The following THSD7B variants were observed in gnomAD, a reference collection of about 807,000 sequenced individuals.
THSD7B encodes thrombospondin type-1 domain-containing protein 7B.
Under a neutral mutation model 213.6 loss-of-function variants are expected in THSD7B, and 138 were observed. The observed-to-expected ratio is 0.65, with a 90% CI of 0.56 to 0.74. THSD7B has a LOEUF of 0.74. Ranked by LOEUF, THSD7B falls within the 30% of genes least tolerant of loss-of-function variation. The pLI is 0.00. For missense variants in THSD7B, 1,931 were observed against 1,991.5 expected (o/e 0.97, Z 0.58); for synonymous variants, 742 against 687.0 (o/e 1.08, Z -1.25).
At chr2:137,570,369 C>T (rs980278610) in intron 16 of THSD7B, among the ~76,000 whole-genome samples, 1 of 151,860 alleles carries the variant, frequency 6.6e-6, no homozygotes. Context: ...AGTGCAGTGG[C>T]GTGATCTCGG....
intron 1 of THSD7B, among the ~76,000 whole-genome samples, chr2:136,777,493 A>G (rs1256017690): frequency 6.6e-6 from 1 of 152,128 alleles, no homozygotes; most frequent in Non-Finnish European, 1.5e-5. Context: ...GTAATGAATT[A>G]CTTCCCAGTT....
At chr2:137,068,934 C>A (rs1206966578) in intron 3 of THSD7B, among the ~76,000 whole-genome samples, 2 of 152,046 alleles carry the variant, frequency 1.3e-5, no homozygotes, top group Non-Finnish European at 2.9e-5. Flanking sequence ...CACGACAGAG[C>A]TTTAATTAAT....
At chr2:137,653,536 A>G (rs1181331247) in intron 21 of THSD7B, among the ~76,000 whole-genome samples, 1 of 145,074 alleles carries the variant, frequency 6.9e-6, no homozygotes, top group Non-Finnish European at 1.5e-5. Context: ...CTCTTGCTCA[A>G]CTCTCTTTTG....
At chr2:137,199,096 T>C (rs939174067) in intron 7 of THSD7B, among the ~76,000 whole-genome samples, 14 of 152,074 alleles carry the variant, frequency 9.2e-5, no homozygotes, top group African/African-American at 3.4e-4. Context: ...CAGTATAAAT[T>C]GGGTAAATAG....
intron 12 of THSD7B, among the ~76,000 whole-genome samples, chr2:137,323,989 C>T (rs1402479793): frequency 2.0e-5 from 3 of 152,164 alleles, no homozygotes; most frequent in East Asian, 3.9e-4. Flanking sequence ...AAATACATCA[C>T]TCTCCGAGGC....
intron 1 of THSD7B, among the ~76,000 whole-genome samples, chr2:136,874,752 A>G (rs945314272): frequency 1.3e-5 from 2 of 152,166 alleles, no homozygotes; most frequent in Non-Finnish European, 2.9e-5. Flanking sequence ...CTTAATATTC[A>G]TCAGTTTAGA....
chr2:137,331,595 T>C (rs1038260281), intron 12 of THSD7B, among the ~76,000 whole-genome samples: 3 of 152,168 alleles, frequency 2.0e-5, no homozygotes, highest in African/African-American at 7.2e-5. Flanking sequence ...GCCAGTCCTG[T>C]GCCATGTGCT....
intron 2 of THSD7B, among the ~76,000 whole-genome samples, chr2:136,948,334 C>A (rs1000302915): frequency 2.0e-5 from 3 of 152,110 alleles, no homozygotes; most frequent in Non-Finnish European, 1.5e-5. Flanking sequence ...AATTTAGAAC[C>A]AACTTAATGT....
At chr2:137,165,917 G>A (rs1315411410) in intron 6 of THSD7B, among the ~76,000 whole-genome samples, 1 of 152,060 alleles carries the variant, frequency 6.6e-6, no homozygotes, top group Non-Finnish European at 1.5e-5. Flanking sequence ...CCTAGTCATC[G>A]TGTTATTGCT....
chr2:136,775,003 A>C (rs1681574355), intron 1 of THSD7B, among the ~76,000 whole-genome samples: 1 of 152,130 alleles, frequency 6.6e-6, no homozygotes, highest in African/African-American at 2.4e-5. Context: ...GAGTAGATAC[A>C]CGCAAGAGTA....
At chr2:137,538,389 C>CT in intron 15 of THSD7B, 1 of 453,400 alleles carries the variant, frequency 2.2e-6, no homozygotes, top group South Asian at 1.6e-5. Flanking sequence ...AGGATTTCTA[C>CT]TTTTTTCAAT....
At chr2:137,367,806 T>A (rs897781161) in intron 12 of THSD7B, among the ~76,000 whole-genome samples, 1 of 151,912 alleles carries the variant, frequency 6.6e-6, no homozygotes, top group Non-Finnish European at 1.5e-5. Flanking sequence ...TCAGAAAGAG[T>A]GAGCATGAGA....
chr2:137,125,227 A>T (rs577500643), intron 5 of THSD7B, among the ~76,000 whole-genome samples: 6 of 152,220 alleles, frequency 3.9e-5, no homozygotes, highest in Admixed American at 3.9e-4. Flanking sequence ...ATTTCTCTGT[A>T]GCATGAGAGG....
chr2:137,654,383 T>G (rs79610836), intron 21 of THSD7B, among the ~76,000 whole-genome samples: 1 of 152,150 alleles, frequency 6.6e-6, no homozygotes, highest in Non-Finnish European at 1.5e-5. Flanking sequence ...AGCTGGAGGA[T>G]AGTAGTCATC....
chr2:137,175,934 A>G (rs985480322), intron 7 of THSD7B, among the ~76,000 whole-genome samples: 4 of 152,162 alleles, frequency 2.6e-5, no homozygotes, highest in Non-Finnish European at 5.9e-5. Flanking sequence ...TTTGCGATTC[A>G]CCAGAATTCT....
chr2:137,039,129 A>G (rs893050297), intron 2 of THSD7B, among the ~76,000 whole-genome samples: 8 of 152,218 alleles, frequency 5.3e-5, no homozygotes, highest in African/African-American at 1.9e-4. Flanking sequence ...AATATACATC[A>G]GTGGCACTTC....
intron 16 of THSD7B, among the ~76,000 whole-genome samples, chr2:137,570,292 CTAT>C (rs1485841745): frequency 6.6e-6 from 1 of 150,746 alleles, no homozygotes; most frequent in South Asian, 2.1e-4. Flanking sequence ...TTTATCATTA[CTAT>C]TATTATTAAT....
intron 15 of THSD7B, among the ~76,000 whole-genome samples, chr2:137,502,910 A>G (rs2105139284): frequency 6.6e-6 from 1 of 152,330 alleles, no homozygotes; most frequent in South Asian, 2.1e-4. Flanking sequence ...TGTATGGAAT[A>G]TAATATAAAT....
chr2:137,228,078 C>T (rs1158760557), intron 7 of THSD7B, among the ~76,000 whole-genome samples: 6 of 151,312 alleles, frequency 4.0e-5, no homozygotes, highest in Non-Finnish European at 8.8e-5. Flanking sequence ...TTGGTAGCTA[C>T]AACTCACCTT....
Sources: allele counts gnomAD v4.1 joint callset (sites outside exome capture counted in the v4.1 genomes callset), GRCh38; gene constraint gnomAD v4.1.1; transcripts MANE v1.5; gene names NCBI Gene and HGNC (gene_info 2026-07-23, HGNC 2026-07-21).